Variants in FBF1 observed in about 807,000 individuals in gnomAD.
The protein encoded by FBF1 is Fas binding factor 1, also known as fas-binding factor 1.
In FBF1, 119 loss-of-function variants were observed where a neutral mutation model predicts 147.2. The ratio of observed to expected loss-of-function variants is 0.81; its 90% CI spans 0.70 to 0.94. FBF1 has a LOEUF of 0.94. Ranked by LOEUF, FBF1 falls within the 40% of genes least tolerant of loss-of-function variation. The pLI is 0.00. For synonymous variants in FBF1, 601 were observed against 609.0 expected, an observed-to-expected ratio of 0.99 and a Z score of 0.19; for missense variants, 1,449 against 1,500.8, an observed-to-expected ratio of 0.97 and a Z score of 0.57.
rs902915641 is a variant in FBF1 at position 75,925,735 on chromosome 17, A to G, written c.869-289T>C. On this transcript the variant is annotated intron_variant, in intron 12 of 29. Coordinates refer to ENST00000636174, the MANE Select transcript of FBF1 (RefSeq NM_001319193.2). The surrounding 1 kb of genome is among the most constrained non-coding windows in gnomAD (Gnocchi z 5.0). ...CTGATGCTTTGAGAAACATGTCCAG[A>G]GCAGTGCTTTTCAAATGCGAGCTGC... Among the ~76,000 whole-genome samples, 2 of 152,186 alleles carry G rather than the reference A, an allele frequency of 1.3e-5. No individual in the cohort carries two copies. Among genetic ancestry groups the G allele is most frequent in the African/African-American group, 4.8e-5 (2 of 41,448 alleles).
At chr17:75,932,936 G>T (rs2065602993) in intron 5 of FBF1, 59 bp downstream of exon 5, 2 of 1,175,648 alleles carry the variant, frequency 1.7e-6, no homozygotes, top group African/African-American at 1.5e-5. Flanking sequence ...GGGGGTGGAG[G>T]GGCAGAGAGC....
In FBF1 at chr17:75,910,826, G is replaced by A. The variant is rs1381528731; in HGVS notation, c.3364-20C>T. 6.3e-7 allele frequency: 1 copy of A among 1,594,014 alleles called. No homozygotes were observed. The highest frequency in any genetic ancestry group is 8.6e-7 in the Non-Finnish European group (1 of 1,169,466). ...ACGGTCCTGCAAGGCAGGTTTGGAT[G>A]GGCGGTCACCTTCCCTGAGCTGAGA... On this transcript the variant is annotated intron_variant, in intron 29 of 29. Transcript: ENST00000636174. The surrounding 1 kb of genome is among the most constrained non-coding windows in gnomAD (Gnocchi z 4.1).
chr17:75,935,760 G>T, intron 3 of FBF1, 87 bp from the exon 4 acceptor site: 1 of 1,294,788 alleles, frequency 7.7e-7, no homozygotes, highest in Non-Finnish European at 1.1e-6. Flanking sequence ...GCCAGAAGGC[G>T]TCAGACCTTT....
At chr17:75,927,135 C>A (rs139723354) in intron 9 of FBF1, among the ~76,000 whole-genome samples, 1 of 152,214 alleles carries the variant, frequency 6.6e-6, no homozygotes, top group Non-Finnish European at 1.5e-5. Flanking sequence ...TCTGACTCTG[C>A]AGGCTGCATG....
chr17:75,914,399 A>T, intron 25 of FBF1, 101 bp from the exon 26 acceptor site: 4 of 1,458,642 alleles, frequency 2.7e-6, no homozygotes, highest in Non-Finnish European at 3.6e-6. Context: ...CCCTGGGAGG[A>T]GGTGGTGGAG....
At chr17:75,920,896 A>G (rs2065521941) in intron 17 of FBF1, among the ~76,000 whole-genome samples, 1 of 148,830 alleles carries the variant, frequency 6.7e-6, no homozygotes, top group Non-Finnish European at 1.5e-5. Flanking sequence ...TGGGAAACAG[A>G]GGCAGAGGTG....
At chr17:75,916,985 G>A (rs1743674494) in intron 23 of FBF1, among the ~76,000 whole-genome samples, 1 of 152,170 alleles carries the variant, frequency 6.6e-6, no homozygotes, top group Non-Finnish European at 1.5e-5. Context: ...CTAGTAGCTG[G>A]GATTACAGGC....
Position 75,927,533 on chromosome 17 carries a change from C to A in FBF1, c.398-1G>T. 1 of 1,597,918 alleles carries A rather than the reference C, an allele frequency of 6.3e-7. No individual in the cohort carries two copies. Among genetic ancestry groups the A allele is most frequent in the Admixed American group, 1.7e-5 (1 of 57,588 alleles). Reference sequence around the variant, plus strand: ...GACTTCTTGGTGGGAATGGCACCCCCTGCAGGAAGCAGAAGACAAGGTCAT... The same window carrying A: ...GACTTCTTGGTGGGAATGGCACCCCATGCAGGAAGCAGAAGACAAGGTCAT... On this transcript the variant is annotated splice_acceptor_variant, in intron 8 of 29. Coordinates refer to ENST00000636174, the MANE Select transcript of FBF1 (RefSeq NM_001319193.2). LOFTEE classifies it high-confidence loss of function.
At chr17:75,931,609 C>T (rs1426955194) in intron 5 of FBF1, among the ~76,000 whole-genome samples, 1 of 151,964 alleles carries the variant, frequency 6.6e-6, no homozygotes. Context: ...CATGGTGAAA[C>T]CCCATCTCTA....
In FBF1 at chr17:75,925,487, G is replaced by T; in HGVS notation, c.869-41C>A. On this transcript the variant is annotated intron_variant, in intron 12 of 29. Transcript: ENST00000636174. The surrounding 1 kb of genome is among the most constrained non-coding windows in gnomAD (Gnocchi z 5.0). ...CCTGTGACCGTGATCTGGAGTAGGG[G>T]AACCAAGCTCATTTGCGGCTGCAAA... 6.5e-7 allele frequency: 1 copy of T among 1,549,876 alleles called. No individual in the cohort carries two copies. The highest frequency in any genetic ancestry group is 8.8e-7 in the Non-Finnish European group (1 of 1,137,894).
In FBF1 at chr17:75,923,631, C is replaced by G. The variant is rs778313571; in HGVS notation, c.979G>C (p.Ala327Pro). 2.1e-5 allele frequency: 33 copies of G among 1,601,852 alleles called. No individual in the cohort carries two copies. The South Asian group carries it at 3.7e-4, about 18-fold the overall frequency. ...SRRQSVSRFF[A>P]DSGADPKGEP... Reference sequence around the variant, plus strand: ...CCCTTGGGGTCTGCGCCACTGTCTGCGAAGAACCTACTTCAAGACAGAAAG... The same window carrying G: ...CCCTTGGGGTCTGCGCCACTGTCTGGGAAGAACCTACTTCAAGACAGAAAG... The change falls in exon 14 of 30, where the codon GCA becomes CCA. Residue 327 changes from alanine to proline, a missense_variant. Coordinates refer to ENST00000636174, the MANE Select transcript of FBF1 (RefSeq NM_001319193.2). The surrounding 1 kb of genome is among the most constrained non-coding windows in gnomAD (Gnocchi z 4.1).
chr17:75,929,522 TA>T (rs2065581711), intron 7 of FBF1, among the ~76,000 whole-genome samples: 1 of 152,118 alleles, frequency 6.6e-6, no homozygotes. Flanking sequence ...TAGGCCAAGC[TA>T]GAGATTATGT....
At position 75,913,682 on chromosome 17, in the gene FBF1, T is replaced by C. The variant is rs1353093231; in HGVS notation, c.3247+20A>G. The C allele has an allele frequency of 2.6e-6, 4 of 1,567,014 alleles. No homozygotes were observed. The highest frequency in any genetic ancestry group is 1.3e-5 in the African/African-American group (1 of 74,250). The stretch of plus-strand genomic sequence containing the variant: ...CTGCCCAGTCCTGAGCCGCCGGCCC[T>C]TCCTTCTGGAGCCACTCACCACTCT... On this transcript the variant is annotated intron_variant, in intron 28 of 29. Transcript: ENST00000636174.
At position 75,921,571 on chromosome 17, in the gene FBF1, A is replaced by C. The variant is rs1453676770; in HGVS notation, c.1527-11T>G. Reference sequence around the variant, plus strand: ...TGAGTCACAGGGGACCTGAGGACACAGGGATGGGGCATGGTGAGCAGCCTC... The same window carrying C: ...TGAGTCACAGGGGACCTGAGGACACCGGGATGGGGCATGGTGAGCAGCCTC... On this transcript the variant is annotated splice_polypyrimidine_tract_variant and intron_variant, in intron 15 of 29. Transcript: ENST00000636174. 8 of 1,449,740 alleles carry C rather than the reference A, an allele frequency of 5.5e-6. No individual in the cohort carries two copies. Among genetic ancestry groups the C allele is most frequent in the Middle Eastern group, 3.8e-4 (2 of 5,266 alleles). 89.8% of individuals were successfully genotyped at this position (1,449,740 alleles called of 1,614,324 possible). A position where few individuals can be genotyped will look rare whatever the true frequency, so the allele number is the denominator to read the frequency against.
Position 75,919,877 on chromosome 17 carries a change from G to A in FBF1, c.1932-3C>T, listed in dbSNP as rs774692988. ...TTTCTAGCACCTTGATGCGGCTTCT[G>A]CCAACAGAACACCCAGCCATGGCGC... On this transcript the variant is annotated splice_polypyrimidine_tract_variant and splice_region_variant and intron_variant, in intron 19 of 29. Transcript: ENST00000636174. The surrounding 1 kb of genome is among the most constrained non-coding windows in gnomAD (Gnocchi z 5.0). 6.2e-7 allele frequency: 1 copy of A among 1,613,644 alleles called. No homozygotes were observed. The highest frequency in any genetic ancestry group is 8.5e-7 in the Non-Finnish European group (1 of 1,179,874).
At chr17:75,938,309 C>T in intron 1 of FBF1, 77 bp from the exon 2 acceptor site, 1 of 1,086,738 alleles carries the variant, frequency 9.2e-7, no homozygotes, top group Non-Finnish European at 1.3e-6. Flanking sequence ...CCTGTTAATC[C>T]CAGCACTTTC....
rs1444476276 is a variant in FBF1 at position 75,910,662 on chromosome 17, C to T, written c.*61G>A. On this transcript the variant is annotated 3_prime_UTR_variant, in exon 30 of 30. Coordinates refer to ENST00000636174, the MANE Select transcript of FBF1 (RefSeq NM_001319193.2). This position sits in a 1 kb window ranked among gnomAD's most constrained non-coding sequence, Gnocchi z 4.1. ...CAGGCACTGCCTCCATGGAGGCAGC[C>T]GGAGGAACAGGACAGTTCTGGGGTC... 1.2e-5 allele frequency: 17 copies of T among 1,475,970 alleles called. No individual in the cohort carries two copies. Among genetic ancestry groups the T allele is most frequent in the Middle Eastern group, 1.7e-4 (1 of 5,778 alleles). The allele number at this position is 1,475,970 out of a possible 1,614,324, so 91.4% of individuals were successfully genotyped here. A position where few individuals can be genotyped will look rare whatever the true frequency, so the allele number is the denominator to read the frequency against.
In FBF1 at chr17:75,938,177, T is replaced by C. The variant is rs1425625040; in HGVS notation, c.-28A>G. Reference sequence around the variant, plus strand: ...CACGGCTCTCGGGGGTGCTCTCAGCTCCTTCACAGCACTGGCCAGCTCATC... The same window carrying C: ...CACGGCTCTCGGGGGTGCTCTCAGCCCCTTCACAGCACTGGCCAGCTCATC... On this transcript the variant is annotated 5_prime_UTR_variant, in exon 2 of 30. Coordinates refer to ENST00000636174, the MANE Select transcript of FBF1 (RefSeq NM_001319193.2). 6.2e-7 allele frequency: 1 copy of C among 1,613,246 alleles called. No homozygotes were observed. The highest frequency in any genetic ancestry group is 1.7e-5 in the Admixed American group (1 of 59,956).
rs2065510470 is a variant in FBF1, at chr17:75,919,584, C to T, written c.2138+84G>A. On this transcript the variant is annotated intron_variant, in intron 20 of 29. Coordinates refer to ENST00000636174, the MANE Select transcript of FBF1 (RefSeq NM_001319193.2). This position sits in a 1 kb window ranked among gnomAD's most constrained non-coding sequence, Gnocchi z 5.0. ...AACCCCTGTCCAAAGGCTGCTGAGC[C>T]ACAGCGAAGGGTCTCGTGGGGATGG... The T allele has an allele frequency of 6.8e-7, 1 of 1,462,304 alleles. No individual in the cohort carries two copies. The highest frequency in any genetic ancestry group is 1.3e-5 in the South Asian group (1 of 79,114). The allele number at this position is 1,462,304 out of a possible 1,614,324, so 90.6% of individuals were successfully genotyped here.
Sources: gnomAD v4.1 joint callset for allele counts (sites outside exome capture counted in the v4.1 genomes callset) on GRCh38, gnomAD v4.1.1 for gene constraint, Gnocchi (gnomAD v3.1) non-coding constraint, MANE v1.5 for transcripts, NCBI Gene and HGNC (gene_info 2026-07-23, HGNC 2026-07-21) for gene names.